The following ICE2 variants were observed in gnomAD, a reference collection of about 807,000 sequenced individuals.
ICE2 encodes little elongation complex subunit 2.
ICE2 carries 87 observed loss-of-function variants against 105.4 expected under a neutral mutation model. The observed-to-expected ratio is 0.83, with a 90% CI of 0.69 to 0.99. ICE2 has a LOEUF of 0.99. Among genes scored for constraint, ICE2 ranks in the 50% least tolerant of loss-of-function variants. The probability of loss-of-function intolerance (pLI) is 0.00; values close to 1 mark genes in which losing one functional copy is unlikely to be tolerated. For synonymous variants in ICE2, 399 were observed against 392.0 expected, an observed-to-expected ratio of 1.02 and a Z score of -0.21; for missense variants, 1,323 against 1,146.7, an observed-to-expected ratio of 1.15 and a Z score of -2.22.
At chr15:60,452,573 T>G (rs1426601972) in intron 9 of ICE2, 1 of 154,960 alleles carries the variant, frequency 6.5e-6, no homozygotes, top group African/African-American at 2.4e-5. Context: ...GCTTCCTCCC[T>G]GCATAGAATA....
chr15:60,463,940 G>C (rs1044459746), intron 5 of ICE2, among the ~76,000 whole-genome samples: 9 of 152,168 alleles, frequency 5.9e-5, no homozygotes, highest in African/African-American at 2.2e-4. Context: ...TACACAGGGG[G>C]CTTCTGAATT....
At chr15:60,445,438 A>C in intron 11 of ICE2, 1 of 319,034 alleles carries the variant, frequency 3.1e-6, no homozygotes, top group Non-Finnish European at 4.5e-6. Flanking sequence ...CATAATTCCA[A>C]GGGGCATACA....
At chr15:60,455,561 A>C (rs1008957001) in intron 6 of ICE2, 119 bp from the exon 7 acceptor site, 18 of 659,800 alleles carry the variant, frequency 2.7e-5, no homozygotes, top group Non-Finnish European at 4.6e-5. Flanking sequence ...AAATGTAAAC[A>C]TCAGATTTAG....
intron 5 of ICE2, among the ~76,000 whole-genome samples, chr15:60,462,007 G>A (rs2064291473): frequency 6.6e-6 from 1 of 152,040 alleles, no homozygotes; most frequent in Admixed American, 6.6e-5. Flanking sequence ...TTAACTCCAT[G>A]ATTTAATAAT....
chr15:60,428,651 T>C lies in ICE2; in HGVS notation c.2598A>G (p.Ala866=). Residue 866 remains alanine (A), a synonymous_variant, in exon 15 of 16, where the codon GCA becomes GCG. Transcript: ENST00000261520. ...TATAAATCAGGAGTGAAGAATCTTC[T>C]GCTGCATGAGATAACAAGTAGGAAC... ...QEGSYLLSHA[A]EDSSLLIYKA... is the part of the protein sequence containing the mutation. 6.2e-7 allele frequency: 1 copy of C among 1,614,146 alleles called. No individual in the cohort carries two copies. Among genetic ancestry groups the C allele is most frequent in the Non-Finnish European group, 8.5e-7 (1 of 1,179,996 alleles).
Position 60,423,358 on chromosome 15 carries a change from A to G in ICE2, c.*276T>C. 4.8e-6 allele frequency: 1 copy of G among 208,528 alleles called. No homozygotes were observed. The highest frequency in any genetic ancestry group is 1.2e-4 in the South Asian group (1 of 8,308). 12.9% of individuals were successfully genotyped at this position (208,528 alleles called of 1,614,324 possible). A position where few individuals can be genotyped will look rare whatever the true frequency, so the allele number is the denominator to read the frequency against. The stretch of plus-strand genomic sequence containing the variant: ...TATTTTTCTATTTACAATTTTTAGA[A>G]AAGGTTTAATGTAAAAATATTTTTC... On this transcript the variant is annotated 3_prime_UTR_variant, in exon 16 of 16. Coordinates refer to ENST00000261520, the MANE Select transcript of ICE2 (RefSeq NM_024611.6).
chr15:60,445,779 T>C (rs2063809724), intron 11 of ICE2: 1 of 985,376 alleles, frequency 1.0e-6, no homozygotes, highest in Non-Finnish European at 1.2e-6. Context: ...CAACAATTTC[T>C]AAGTGCTGTA....
chr15:60,456,705 T>C lies in ICE2; in HGVS notation c.618A>G (p.Pro206=), dbSNP rs879084814. The change falls in exon 6 of 16, where the codon CCA becomes CCG. Residue 206 remains proline, a synonymous_variant. Transcript: ENST00000261520. The part of the protein sequence containing the change: ...HEVTSLMGFF[P]FRVEMGLKLE... ...ACTTTAATCCCATCTCTACTCTGAA[T>C]GGGAAGAATCCCATTAAGCTGGTGA... 1.9e-6 allele frequency: 3 copies of C among 1,600,516 alleles called. No individual in the cohort carries two copies. The highest frequency in any genetic ancestry group is 2.2e-5 in the South Asian group (2 of 89,498).
intron 3 of ICE2, 24 bp from the exon 4 acceptor site, chr15:60,468,346 A>C (rs891181593): frequency 6.4e-7 from 1 of 1,561,868 alleles, no homozygotes; most frequent in Middle Eastern, 1.7e-4. Context: ...TATAATTTAC[A>C]AATATGTGCT....
intron 15 of ICE2, 137 bp from the exon 16 acceptor site, chr15:60,423,899 G>T: frequency 1.4e-6 from 1 of 736,630 alleles, no homozygotes; most frequent in Non-Finnish European, 1.9e-6. Context: ...CAGCTAGCTG[G>T]CTGTTTCTAA....
chr15:60,466,255 CCATT>C (rs2064424594), intron 5 of ICE2, among the ~76,000 whole-genome samples: 1 of 152,102 alleles, frequency 6.6e-6, no homozygotes, highest in Non-Finnish European at 1.5e-5. Flanking sequence ...TTTTAAAAGG[CCATT>C]CAGACTTTTA....
At position 60,462,611 on chromosome 15, in the gene ICE2, T is replaced by G. The variant is rs906699228; in HGVS notation, c.528+3983A>C. 9.2e-5 allele frequency among the ~76,000 whole-genome samples: 14 copies of G among 152,334 alleles called. 1 individual carries two copies. Among genetic ancestry groups the G allele is most frequent in the Admixed American group, 7.8e-4 (12 of 15,304 alleles). ...GCAACATACATAGCCCATAAAGTTT[T>G]TGTATTTGGAATATACAAAGAAATC... On this transcript the variant is annotated intron_variant, in intron 5 of 15. Coordinates refer to ENST00000261520, the MANE Select transcript of ICE2 (RefSeq NM_024611.6).
intron 11 of ICE2, chr15:60,445,586 G>T: frequency 3.1e-6 from 3 of 961,102 alleles, no homozygotes; most frequent in Non-Finnish European, 3.7e-6. Context: ...AGTCTTTAGG[G>T]TGTGACTATT....
chr15:60,463,428 C>T (rs2064334430), intron 5 of ICE2, among the ~76,000 whole-genome samples: 1 of 152,066 alleles, frequency 6.6e-6, no homozygotes, highest in Non-Finnish European at 1.5e-5. Context: ...AAGCACAATA[C>T]TGAATGAAAG....
rs1179149863 is a variant in ICE2, at chr15:60,456,871, C to G, written c.529-77G>C. ...AAAGAAAATTTTTAGTTACATGTGA[C>G]TATGTAATTATTCATTGCAAAAATT... On this transcript the variant is annotated intron_variant, in intron 5 of 15. Coordinates refer to ENST00000261520, the MANE Select transcript of ICE2 (RefSeq NM_024611.6). 8 of 822,030 alleles carry G rather than the reference C, an allele frequency of 9.7e-6. No homozygotes were observed. The South Asian group carries it at 1.7e-4, about 17-fold the overall frequency. 50.9% of individuals were successfully genotyped at this position (822,030 alleles called of 1,614,324 possible).
intron 11 of ICE2, chr15:60,445,651 T>A: frequency 5.1e-6 from 5 of 985,038 alleles, no homozygotes; most frequent in Non-Finnish European, 6.0e-6. Flanking sequence ...GTCTTGAAAT[T>A]TACAAATTTC....
intron 5 of ICE2, among the ~76,000 whole-genome samples, chr15:60,461,441 T>C (rs1013738274): frequency 3.9e-5 from 6 of 152,196 alleles, no homozygotes; most frequent in African/African-American, 4.8e-5. Context: ...AATTTTTATA[T>C]GTAAATTATA....
chr15:60,448,207 TACA>T (rs1213667724), intron 10 of ICE2, 62 bp from the exon 11 acceptor site: 2 of 1,057,190 alleles, frequency 1.9e-6, no homozygotes, highest in Non-Finnish European at 2.7e-6. Context: ...TAAGCAAGGA[TACA>T]ACAATTCAAT....
intron 2 of ICE2, among the ~76,000 whole-genome samples, chr15:60,477,369 C>G (rs1000751489): frequency 6.6e-6 from 1 of 152,170 alleles, no homozygotes; most frequent in Non-Finnish European, 1.5e-5. Flanking sequence ...TTTTAATACT[C>G]TTTGTAACCA....
Sources: gnomAD v4.1 joint callset for allele counts (sites outside exome capture counted in the v4.1 genomes callset) on GRCh38, gnomAD v4.1.1 for gene constraint, MANE v1.5 for transcripts, NCBI Gene and HGNC (gene_info 2026-07-23, HGNC 2026-07-21) for gene names.